Variants in RGPD8 observed in about 807,000 individuals in gnomAD.
RGPD8 encodes the protein RANBP2 like and GRIP domain containing 8.
RGPD8 carries 15 observed loss-of-function variants against 89.1 expected under a neutral mutation model. The ratio of observed to expected loss-of-function variants is 0.17; its 90% CI spans 0.11 to 0.26. The LOEUF is 0.26. Ranked by LOEUF, RGPD8 falls within the 10% of genes least tolerant of loss-of-function variation. RGPD8 has a pLI of 1.00. For synonymous variants in RGPD8, 62 were observed against 420.9 expected, an observed-to-expected ratio of 0.15 and a Z score of 10.44; for missense variants, 178 against 1,179.6, an observed-to-expected ratio of 0.15 and a Z score of 12.44.
At chr2:112,374,584 TTTACTC>T (rs1284456944) in intron 22 of RGPD8, among the ~76,000 whole-genome samples, 4 of 131,170 alleles carry the variant, frequency 3.0e-5, no homozygotes, top group Admixed American at 1.5e-4. Flanking sequence ...TAGGGGCAGT[TTTACTC>T]TTATGTGACT....
chr2:112,410,889 C>G lies in RGPD8; in HGVS notation c.978+1542G>C, dbSNP rs377259302. ...TCACCTGAGTTCAGGAGCTCAAGACCAGCCTGACCAACATGGAGAAACCTC... is the reference window on the plus strand; with the variant it reads ...TCACCTGAGTTCAGGAGCTCAAGACGAGCCTGACCAACATGGAGAAACCTC... On this transcript the variant is annotated intron_variant, in intron 7 of 22. Transcript: ENST00000302558. Among the ~76,000 whole-genome samples, 4 of 152,400 alleles carry G rather than the reference C, an allele frequency of 2.6e-5. No homozygotes were observed. The East Asian group carries it at 5.8e-4, about 22-fold the overall frequency.
At chr2:112,432,045 T>C (rs1214814606) in intron 1 of RGPD8, among the ~76,000 whole-genome samples, 4 of 152,334 alleles carry the variant, frequency 2.6e-5, no homozygotes, top group Admixed American at 2.0e-4. Context: ...TATCAAATTC[T>C]ATCAATGTTA....
At chr2:112,409,609 T>C (rs1379517218) in intron 7 of RGPD8, among the ~76,000 whole-genome samples, 5 of 148,172 alleles carry the variant, frequency 3.4e-5, no homozygotes, top group Non-Finnish European at 7.4e-5. Context: ...CCAACCAGCC[T>C]GGGAAACATA....
At chr2:112,382,859 GA>G (rs1425011974) in intron 20 of RGPD8, among the ~76,000 whole-genome samples, 1 of 29,270 alleles carries the variant, frequency 3.4e-5, no homozygotes, top group Non-Finnish European at 8.7e-5. Context: ...AGCAGTTTGG[GA>G]GGCTAAGGTG....
chr2:112,411,489 T>C (rs1679200073), intron 7 of RGPD8, among the ~76,000 whole-genome samples: 2 of 57,448 alleles, frequency 3.5e-5, no homozygotes, highest in Admixed American at 3.5e-4. Context: ...GAAAATGGCG[T>C]GAACTCGGGA....
At chr2:112,427,799 G>A (rs1574025809) in intron 1 of RGPD8, among the ~76,000 whole-genome samples, 2 of 152,134 alleles carry the variant, frequency 1.3e-5, no homozygotes, top group South Asian at 4.1e-4. Context: ...GTCCCAACAA[G>A]GGTGAAGGCC....
At position 112,404,110 on chromosome 2, in the gene RGPD8, CA is replaced by C; in HGVS notation, c.1131del (p.Phe377LeufsTer82). ...QDFLKEVVET[F>X]ANKIGQSALY... ...AACGCAGACTGCCCAATTTTGTTGG[CA>C]AAAGTTTCAACAACCTCTTTTAAGA... is the stretch of plus-strand genomic sequence containing the variant. On this transcript the variant is annotated frameshift_variant, in exon 9 of 23. Transcript: ENST00000302558. LOFTEE classifies it high-confidence loss of function. 1 of 894,216 alleles carries C rather than the reference CA, an allele frequency of 1.1e-6. No homozygotes were observed. The highest frequency in any genetic ancestry group is 1.6e-6 in the Non-Finnish European group (1 of 615,190). The allele number at this position is 894,216 out of a possible 1,614,324, so 55.4% of individuals were successfully genotyped here.
In RGPD8 at chr2:112,371,892, A is replaced by G. The variant is rs190980034; in HGVS notation, c.5264-1680T>C. Reference sequence around the variant, plus strand: ...TTACATGGGGAAACTTTCTAGAGTTACAAGTCATTTTATTTTTCTGTTCTG... The same window carrying G: ...TTACATGGGGAAACTTTCTAGAGTTGCAAGTCATTTTATTTTTCTGTTCTG... On this transcript the variant is annotated intron_variant, in intron 22 of 22. Coordinates refer to ENST00000302558, the MANE Select transcript of RGPD8 (RefSeq NM_001164463.1). 3.0e-4 allele frequency among the ~76,000 whole-genome samples: 46 copies of G among 151,240 alleles called. No homozygotes were observed. In the East Asian group the frequency reaches 8.9e-3, roughly 29 times the overall value.
intron 21 of RGPD8, among the ~76,000 whole-genome samples, chr2:112,380,237 C>A (rs1157982545): frequency 7.3e-6 from 1 of 137,112 alleles, no homozygotes; most frequent in African/African-American, 2.6e-5. Flanking sequence ...CAAAGACTCA[C>A]ACCCATTTTT....
Position 112,422,534 on chromosome 2 carries a change from A to T in RGPD8, c.252+14T>A. 3 of 1,610,472 alleles carry T rather than the reference A, an allele frequency of 1.9e-6. No individual in the cohort carries two copies. Among genetic ancestry groups the T allele is most frequent in the South Asian group, 2.2e-5 (2 of 90,830 alleles). On this transcript the variant is annotated intron_variant, in intron 3 of 22. Transcript: ENST00000302558. ...TTGGCTATGCAAAGGCTATATTTGA[A>T]TCCTATAACTTACCCTGTAACATTC...
intron 2 of RGPD8, 25 bp from the exon 3 acceptor site, chr2:112,422,684 GTAAAT>G (rs1265450438): frequency 1.6e-5 from 20 of 1,247,522 alleles, no homozygotes; most frequent in Non-Finnish European, 2.1e-5. Context: ...TAATACAAAA[GTAAAT>G]TAAACTTAGA....
intron 1 of RGPD8, among the ~76,000 whole-genome samples, chr2:112,430,739 T>C (rs1679992819): frequency 1.3e-5 from 2 of 151,004 alleles, no homozygotes; most frequent in Non-Finnish European, 2.9e-5. Context: ...GGCGGGAGGA[T>C]CACTTGAGCC....
At chr2:112,402,454 C>T (rs1237417939) in intron 9 of RGPD8, among the ~76,000 whole-genome samples, 245 of 148,292 alleles carry the variant, frequency 1.7e-3, no homozygotes, top group Non-Finnish European at 2.8e-3. Flanking sequence ...TGCGCCACTG[C>T]GCTCCAGCCT....
chr2:112,376,654 A>C (rs1678127935), intron 22 of RGPD8, among the ~76,000 whole-genome samples: 1 of 151,836 alleles, frequency 6.6e-6, no homozygotes, highest in Non-Finnish European at 1.5e-5. Flanking sequence ...TCTCTACTAA[A>C]AATAGAAAAA....
intron 1 of RGPD8, 129 bp from the exon 2 acceptor site, chr2:112,424,436 A>G: frequency 9.3e-7 from 1 of 1,071,056 alleles, no homozygotes; most frequent in Non-Finnish European, 1.3e-6. Flanking sequence ...AACAAAAAAT[A>G]GAGCTGGGTG....
At chr2:112,402,389 C>T (rs1299012343) in intron 9 of RGPD8, among the ~76,000 whole-genome samples, 8 of 136,684 alleles carry the variant, frequency 5.9e-5, no homozygotes, top group Non-Finnish European at 9.3e-5. Flanking sequence ...TGCCTATAGT[C>T]CCAGCTACTT....
chr2:112,425,151 G>A (rs965131423), intron 1 of RGPD8, among the ~76,000 whole-genome samples: 29 of 152,168 alleles, frequency 1.9e-4, no homozygotes, highest in African/African-American at 6.7e-4. Flanking sequence ...ATCAGCCTTG[G>A]AAATCTCGGA....
At chr2:112,429,269 A>C (rs1310899227) in intron 1 of RGPD8, among the ~76,000 whole-genome samples, 1 of 151,706 alleles carries the variant, frequency 6.6e-6, no homozygotes, top group Non-Finnish European at 1.5e-5. Context: ...AAATGCTAAA[A>C]AATTAGCCGA....
At chr2:112,408,917 C>T (rs1211023511) in intron 7 of RGPD8, among the ~76,000 whole-genome samples, 1 of 151,626 alleles carries the variant, frequency 6.6e-6, no homozygotes, top group Non-Finnish European at 1.5e-5. Context: ...AGCGATCCGC[C>T]CGCCTCAGCC....
Sources: allele counts gnomAD v4.1 joint callset (sites outside exome capture counted in the v4.1 genomes callset), GRCh38; gene constraint gnomAD v4.1.1; transcripts MANE v1.5; gene names NCBI Gene and HGNC (gene_info 2026-07-23, HGNC 2026-07-21).